The following CLNK variants were observed in gnomAD, a reference collection of about 807,000 sequenced individuals.
CLNK encodes the protein cytokine-dependent hematopoietic cell linker.
Under a neutral mutation model 68.6 loss-of-function variants are expected in CLNK, and 74 were observed. The ratio of observed to expected loss-of-function variants is 1.08; its 90% CI spans 0.89 to 1.31. The LOEUF (loss-of-function observed/expected upper bound fraction) is 1.31, where lower values mean the gene tolerates loss of function less well. Among genes scored for constraint, CLNK ranks in the 50% most tolerant of loss-of-function variants. The pLI is 0.00. For missense variants in CLNK, 553 were observed against 515.3 expected (o/e 1.07, Z -0.71); for synonymous variants, 198 against 172.2 (o/e 1.15, Z -1.17).
At chr4:10,611,089 G>A (rs920347804) in intron 2 of CLNK, among the ~76,000 whole-genome samples, 11 of 152,170 alleles carry the variant, frequency 7.2e-5, no homozygotes, top group East Asian at 1.9e-4. Context: ...GGAGGTTGAG[G>A]CAAACAGATC....
chr4:10,555,451 G>C (rs1042699767), intron 8 of CLNK, among the ~76,000 whole-genome samples: 17 of 152,136 alleles, frequency 1.1e-4, no homozygotes, highest in Admixed American at 8.5e-4. Flanking sequence ...TAGATCTATG[G>C]TTAATGCTAG....
intron 4 of CLNK, among the ~76,000 whole-genome samples, chr4:10,574,642 C>T (rs1402911479): frequency 6.6e-6 from 1 of 152,096 alleles, no homozygotes; most frequent in Admixed American, 6.5e-5. Flanking sequence ...AGGAGACCAC[C>T]CCTCATATTG....
chr4:10,668,417 A>C (rs1464722138), intron 1 of CLNK, among the ~76,000 whole-genome samples: 1 of 152,206 alleles, frequency 6.6e-6, no homozygotes, highest in Non-Finnish European at 1.5e-5. Flanking sequence ...TTACCATATA[A>C]ATTAGCAGCA....
At chr4:10,730,291 T>C in the CLNK span, among the ~76,000 whole-genome samples, 1 of 152,294 alleles carries the variant, frequency 6.6e-6, no homozygotes, top group East Asian at 1.9e-4. Flanking sequence ...CACTAAGTGA[T>C]ACCAGCATGC....
At chr4:10,650,596 G>A (rs553624222) in intron 2 of CLNK, among the ~76,000 whole-genome samples, 52 of 152,196 alleles carry the variant, frequency 3.4e-4, no homozygotes, top group Non-Finnish European at 6.8e-4. Context: ...ATGAGTCTGA[G>A]AGAAAACAAC....
chr4:10,668,831 C>T (rs945976043), intron 1 of CLNK, among the ~76,000 whole-genome samples: 3 of 152,108 alleles, frequency 2.0e-5, no homozygotes, highest in Non-Finnish European at 2.9e-5. Context: ...GCTCCCTCTG[C>T]CCTGGATCTC....
At chr4:10,553,605 T>C (rs1291013483) in intron 8 of CLNK, among the ~76,000 whole-genome samples, 1 of 151,972 alleles carries the variant, frequency 6.6e-6, no homozygotes, top group Non-Finnish European at 1.5e-5. Context: ...GTGGACACCA[T>C]CACGCCCAGC....
intron 2 of CLNK, among the ~76,000 whole-genome samples, chr4:10,633,106 T>A (rs908269518): frequency 6.6e-6 from 1 of 152,102 alleles, no homozygotes; most frequent in Non-Finnish European, 1.5e-5. Context: ...CTAGGCTAAT[T>A]TTTGTATTTT....
At chr4:10,549,669 T>G (rs1197715648) in intron 8 of CLNK, among the ~76,000 whole-genome samples, 1 of 152,250 alleles carries the variant, frequency 6.6e-6, no homozygotes, top group Admixed American at 6.5e-5. Flanking sequence ...CAGTTACTAC[T>G]ATTATTATAG....
At chr4:10,497,099 G>A (rs1438164406) in intron 18 of CLNK, among the ~76,000 whole-genome samples, 2 of 152,152 alleles carry the variant, frequency 1.3e-5, no homozygotes, top group African/African-American at 4.8e-5. Context: ...CAGAATTGCC[G>A]TTTACTAGCT....
At chr4:10,544,988 A>T (rs1719170577) in intron 8 of CLNK, among the ~76,000 whole-genome samples, 1 of 152,122 alleles carries the variant, frequency 6.6e-6, no homozygotes, top group Non-Finnish European at 1.5e-5. Context: ...TGATCTATTT[A>T]TGAGGACAGA....
At chr4:10,699,513 T>TATATATATG in the CLNK span, among the ~76,000 whole-genome samples, 1 of 62,052 alleles carries the variant, frequency 1.6e-5, no homozygotes, top group Non-Finnish European at 2.7e-5. Context: ...TATATATATA[T>TATATATATG]TTTTTTTTTT....
the CLNK span, among the ~76,000 whole-genome samples, chr4:10,730,177 T>G: frequency 6.6e-6 from 1 of 152,180 alleles, no homozygotes; most frequent in Non-Finnish European, 1.5e-5. Context: ...ACGGTCTGCA[T>G]AGCCACCATC....
At chr4:10,515,821 A>G (rs1396885967) in intron 15 of CLNK, among the ~76,000 whole-genome samples, 2 of 152,218 alleles carry the variant, frequency 1.3e-5, no homozygotes, top group African/African-American at 4.8e-5. Context: ...ATTATTTTCC[A>G]AGTGATCAAT....
the CLNK span, among the ~76,000 whole-genome samples, chr4:10,723,882 C>CAGAGAGAGAGAGAGAGAG: frequency 4.9e-4 from 35 of 70,944 alleles, 1 homozygote; most frequent in African/African-American, 1.2e-3. Flanking sequence ...ACACAGGAGT[C>CAGAGAGAGAGAGAGAGAG]AGAGAGAGAG....
the CLNK span, among the ~76,000 whole-genome samples, chr4:10,706,760 G>A: frequency 6.6e-6 from 1 of 152,064 alleles, no homozygotes; most frequent in African/African-American, 2.4e-5. Context: ...CACTGACCAG[G>A]CCAAGCCACC....
chr4:10,721,752 C>A, the CLNK span, among the ~76,000 whole-genome samples: 1 of 152,160 alleles, frequency 6.6e-6, no homozygotes, highest in African/African-American at 2.4e-5. Context: ...AGAAGGAGCA[C>A]GGCATGACCT....
At chr4:10,500,801 C>T (rs1012116126) in intron 18 of CLNK, among the ~76,000 whole-genome samples, 2 of 152,166 alleles carry the variant, frequency 1.3e-5, no homozygotes, top group South Asian at 4.1e-4. Flanking sequence ...CCTCCATCAG[C>T]AGATCTGTAC....
intron 18 of CLNK, among the ~76,000 whole-genome samples, chr4:10,496,619 G>T (rs1324502133): frequency 6.6e-6 from 1 of 152,200 alleles, no homozygotes. Flanking sequence ...GTGAGGGATT[G>T]CTTGTATTTG....
Sources: gnomAD v4.1 joint callset for allele counts (sites outside exome capture counted in the v4.1 genomes callset) on GRCh38, gnomAD v4.1.1 for gene constraint, MANE v1.5 for transcripts, NCBI Gene and HGNC (gene_info 2026-07-23, HGNC 2026-07-21) for gene names.